Variants in CSMD2 observed in about 807,000 individuals in gnomAD.
The protein encoded by CSMD2 is CUB and Sushi multiple domains 2.
A neutral mutation model predicts 398.5 loss-of-function variants in CSMD2; 130 were observed. The ratio of observed to expected loss-of-function variants is 0.33; its 90% CI spans 0.28 to 0.38. The LOEUF (loss-of-function observed/expected upper bound fraction) is 0.38. Ranked by LOEUF, CSMD2 falls within the 10% of genes least tolerant of loss-of-function variation. The probability of loss-of-function intolerance (pLI) is 1.00; values close to 1 mark genes in which losing one functional copy is unlikely to be tolerated. For missense variants in CSMD2, 3,829 were observed against 4,764.9 expected (o/e 0.80, Z 5.78); for synonymous variants, 1,828 against 1,908.5 (o/e 0.96, Z 1.10).
intron 2 of CSMD2, among the ~76,000 whole-genome samples, chr1:34,083,494 G>A (rs943051274): frequency 6.6e-6 from 1 of 152,190 alleles, no homozygotes; most frequent in African/African-American, 2.4e-5. Flanking sequence ...ATTTATCCCT[G>A]GGATAAAGTT....
In CSMD2 at chr1:34,138,899, T is replaced by C. The variant is rs536409048; in HGVS notation, c.187+26012A>G. Among the ~76,000 whole-genome samples the C allele has an allele frequency of 3.3e-5, 5 of 152,190 alleles. No homozygotes were observed. The South Asian group carries it at 6.2e-4, about 19-fold the overall frequency. Reference sequence around the variant, plus strand: ...AAATATGATCTTCTTGTGTATCATATTGGGATTTCAGTGAAATTTTATTTT... The same window carrying C: ...AAATATGATCTTCTTGTGTATCATACTGGGATTTCAGTGAAATTTTATTTT... On this transcript the variant is annotated intron_variant, in intron 1 of 70. Coordinates refer to ENST00000373381, the MANE Select transcript of CSMD2 (RefSeq NM_001281956.2).
intron 1 of CSMD2, among the ~76,000 whole-genome samples, chr1:34,155,234 C>T (rs1640702023): frequency 6.6e-6 from 1 of 152,140 alleles, no homozygotes; most frequent in Admixed American, 6.5e-5. Flanking sequence ...TGGTGGGGTG[C>T]AGAAAACAGA....
intron 25 of CSMD2, among the ~76,000 whole-genome samples, chr1:33,676,575 C>T (rs986044103): frequency 2.0e-5 from 3 of 152,174 alleles, no homozygotes; most frequent in Admixed American, 1.3e-4. Context: ...CATTAAGCTA[C>T]CAATGACTTT....
At chr1:33,584,537 G>A (rs1351726999) in intron 46 of CSMD2, among the ~76,000 whole-genome samples, 5 of 152,100 alleles carry the variant, frequency 3.3e-5, no homozygotes, top group Non-Finnish European at 5.9e-5. Context: ...GGGTGTGGTG[G>A]CATGTGCCTG....
At chr1:33,805,616 G>A (rs1656137601) in intron 10 of CSMD2, among the ~76,000 whole-genome samples, 1 of 152,154 alleles carries the variant, frequency 6.6e-6, no homozygotes, top group African/African-American at 2.4e-5. Context: ...TGAAGATGGG[G>A]CTTTTAGGGA....
chr1:34,050,339 C>T (rs1304709558), intron 2 of CSMD2, among the ~76,000 whole-genome samples: 1 of 152,210 alleles, frequency 6.6e-6, no homozygotes, highest in African/African-American at 2.4e-5. Flanking sequence ...GTATGCAGTG[C>T]TTCTGCCAAA....
chr1:33,717,970 C>T (rs948657487), intron 19 of CSMD2, among the ~76,000 whole-genome samples: 1 of 152,168 alleles, frequency 6.6e-6, no homozygotes, highest in South Asian at 2.1e-4. Context: ...TTTACTTGCA[C>T]TATAGTCAGC....
intron 5 of CSMD2, among the ~76,000 whole-genome samples, chr1:33,897,398 T>C (rs1642461148): frequency 6.6e-6 from 1 of 152,228 alleles, no homozygotes; most frequent in African/African-American, 2.4e-5. Flanking sequence ...TCCTCATCTG[T>C]GGAATCTGGC....
At chr1:33,975,314 T>C (rs1645918298) in intron 3 of CSMD2, among the ~76,000 whole-genome samples, 1 of 152,212 alleles carries the variant, frequency 6.6e-6, no homozygotes, top group African/African-American at 2.4e-5. Context: ...TTTAGAGTCA[T>C]GTATTTATTT....
intron 23 of CSMD2, among the ~76,000 whole-genome samples, chr1:33,699,421 CTCATT>C (rs1645533418): frequency 6.6e-6 from 1 of 152,214 alleles, no homozygotes; most frequent in Non-Finnish European, 1.5e-5. Context: ...TGTGTTCTCT[CTCATT>C]TGTTATTCAC....
At chr1:33,592,259 A>C in intron 44 of CSMD2, 1 of 656,200 alleles carries the variant, frequency 1.5e-6, no homozygotes, top group Admixed American at 2.3e-5. Flanking sequence ...TTTGGTCCAC[A>C]TGGAAAGTAG....
intron 68 of CSMD2, 51 bp from the exon 69 acceptor site, chr1:33,520,001 T>C (rs1654118226): frequency 6.2e-7 from 1 of 1,604,602 alleles, no homozygotes; most frequent in Admixed American, 1.7e-5. Flanking sequence ...AGTCTGAGGC[T>C]CCGTTGGCTA....
intron 1 of CSMD2, among the ~76,000 whole-genome samples, chr1:34,131,570 A>C (rs1663353496): frequency 6.6e-6 from 1 of 151,986 alleles, no homozygotes; most frequent in Non-Finnish European, 1.5e-5. Context: ...AGGGGGGCTT[A>C]CTCACCATCA....
At chr1:33,868,022 G>A (rs908725837) in intron 5 of CSMD2, among the ~76,000 whole-genome samples, 1 of 152,206 alleles carries the variant, frequency 6.6e-6, no homozygotes, top group African/African-American at 2.4e-5. Flanking sequence ...AAGACAATAG[G>A]AGGGTCTGAA....
chr1:33,773,642 C>A (rs1025966672), intron 12 of CSMD2, among the ~76,000 whole-genome samples: 6 of 151,746 alleles, frequency 4.0e-5, no homozygotes, highest in African/African-American at 1.5e-4. Flanking sequence ...GAGAGATGGA[C>A]GAGGAGGAGG....
chr1:33,824,698 G>A (rs892832196), intron 7 of CSMD2, among the ~76,000 whole-genome samples: 7 of 152,100 alleles, frequency 4.6e-5, no homozygotes, highest in African/African-American at 1.7e-4. Context: ...GGTGGGAGGA[G>A]CAAGTCAGGG....
chr1:33,854,936 G>A (rs1342626760), intron 5 of CSMD2, among the ~76,000 whole-genome samples: 1 of 152,164 alleles, frequency 6.6e-6, no homozygotes, highest in Non-Finnish European at 1.5e-5. Flanking sequence ...GTCTAGGGGT[G>A]GCTTGGTGTG....
intron 1 of CSMD2, among the ~76,000 whole-genome samples, chr1:34,130,854 C>T (rs960478829): frequency 2.0e-5 from 3 of 152,048 alleles, no homozygotes; most frequent in Non-Finnish European, 2.9e-5. Context: ...CCCAGAAACC[C>T]GTCCCAGGTC....
intron 22 of CSMD2, among the ~76,000 whole-genome samples, chr1:33,706,585 T>G (rs945411302): frequency 1.3e-5 from 2 of 152,210 alleles, no homozygotes; most frequent in Non-Finnish European, 2.9e-5. Flanking sequence ...TCCGAAGACA[T>G]GTCTTCTTCT....
Sources: allele counts gnomAD v4.1 joint callset (sites outside exome capture counted in the v4.1 genomes callset), GRCh38; gene constraint gnomAD v4.1.1; transcripts MANE v1.5; gene names NCBI Gene and HGNC (gene_info 2026-07-23, HGNC 2026-07-21).